The following COL8A1 variants were observed in gnomAD, a reference collection of about 807,000 sequenced individuals.
The protein encoded by COL8A1 is collagen type VIII alpha 1 chain.
In COL8A1, 21 loss-of-function variants were observed where a neutral mutation model predicts 42.7. That is an observed-to-expected ratio of 0.49 (90% confidence interval 0.35 to 0.71). The LOEUF (loss-of-function observed/expected upper bound fraction) is 0.71. COL8A1 is among the 30% of genes least tolerant of loss of function. The probability of loss-of-function intolerance (pLI) is 0.01; values close to 1 mark genes in which losing one functional copy is unlikely to be tolerated. For missense variants in COL8A1, 788 were observed against 962.4 expected (o/e 0.82, Z 2.40); for synonymous variants, 367 against 369.1 (o/e 0.99, Z 0.06).
rs560490260 is a variant in COL8A1, at chr3:99,744,219, C to T, written c.-128-678C>T. The stretch of plus-strand genomic sequence containing the variant: ...TGCTGGGATTACAGGCGTCAGCCAC[C>T]GTGCCTGGCCGATATTTCTTAAACA... On this transcript the variant is annotated intron_variant, in intron 1 of 3. Transcript: ENST00000652472. 2.0e-5 allele frequency among the ~76,000 whole-genome samples: 3 copies of T among 152,286 alleles called. No individual in the cohort carries two copies. In the East Asian group the frequency reaches 5.8e-4, roughly 29 times the overall value.
chr3:99,778,427 T>C (rs1413382958), intron 2 of COL8A1, among the ~76,000 whole-genome samples: 1 of 152,312 alleles, frequency 6.6e-6, no homozygotes, highest in East Asian at 1.9e-4. Flanking sequence ...TTAAATTGCA[T>C]ATTCAGACTG....
At chr3:99,690,989 C>T (rs1939203698) in intron 1 of COL8A1, among the ~76,000 whole-genome samples, 1 of 152,208 alleles carries the variant, frequency 6.6e-6, no homozygotes, top group African/African-American at 2.4e-5. Context: ...TCTGCTTACA[C>T]ATGAATTTTT....
At chr3:99,695,410 C>G (rs1939338301) in intron 1 of COL8A1, among the ~76,000 whole-genome samples, 1 of 152,136 alleles carries the variant, frequency 6.6e-6, no homozygotes, top group Non-Finnish European at 1.5e-5. Context: ...TTGTCATGGT[C>G]TCTTGTTTTT....
At chr3:99,685,238 A>G (rs1939015691) in intron 1 of COL8A1, among the ~76,000 whole-genome samples, 1 of 152,194 alleles carries the variant, frequency 6.6e-6, no homozygotes, top group African/African-American at 2.4e-5. Flanking sequence ...CCATCATCAA[A>G]AGCAATGAGA....
intron 2 of COL8A1, among the ~76,000 whole-genome samples, chr3:99,748,333 C>A (rs1941073889): frequency 6.6e-6 from 1 of 152,094 alleles, no homozygotes; most frequent in East Asian, 1.9e-4. Context: ...GTGGCTAGTC[C>A]CAATTGAGAT....
chr3:99,704,362 C>A (rs939382350), intron 1 of COL8A1, among the ~76,000 whole-genome samples: 4 of 151,228 alleles, frequency 2.6e-5, no homozygotes, highest in Admixed American at 2.0e-4. Context: ...TTCCTACACT[C>A]AAAGATTTTG....
chr3:99,645,680 T>TACTAC (rs1408205748), intron 1 of COL8A1, among the ~76,000 whole-genome samples: 1 of 149,806 alleles, frequency 6.7e-6, no homozygotes, highest in East Asian at 2.0e-4. Context: ...GTAGATCACA[T>TACTAC]TGTTAGTTTT....
At chr3:99,749,204 A>G (rs1164195050) in intron 2 of COL8A1, among the ~76,000 whole-genome samples, 5 of 152,152 alleles carry the variant, frequency 3.3e-5, no homozygotes, top group Non-Finnish European at 1.5e-5. Flanking sequence ...ATAACTAAAA[A>G]CTAGCATCTA....
At position 99,773,815 on chromosome 3, in the gene COL8A1, G is replaced by GTGTATATATATATATATATATATAT. The variant is rs1403823634; in HGVS notation, c.-3-16864_-3-16863insGTATATATATATATATATATATATT. Among the ~76,000 whole-genome samples the GTGTATATATATATATATATATATAT allele has an allele frequency of 2.9e-3, 103 of 35,906 alleles. 2 individuals are homozygous for GTGTATATATATATATATATATATAT. The highest frequency in any genetic ancestry group is 4.3e-3 in the Non-Finnish European group (86 of 20,074). 23.6% of individuals were successfully genotyped at this position (35,906 alleles called of 152,430 possible). A position where few individuals can be genotyped will look rare whatever the true frequency, so the allele number is the denominator to read the frequency against. On this transcript the variant is annotated intron_variant, in intron 2 of 3. Coordinates refer to ENST00000652472, the MANE Select transcript of COL8A1 (RefSeq NM_020351.4). Reference sequence around the variant, plus strand: ...TAAGTAGATGATTATATATATGTGTGTATATATATATATATATATATATTT... The same window carrying GTGTATATATATATATATATATATAT: ...TAAGTAGATGATTATATATATGTGTGTGTATATATATATATATATATATATTATATATATATATATATATATATTT...
At chr3:99,740,603 C>T (rs573249806) in intron 1 of COL8A1, among the ~76,000 whole-genome samples, 22 of 152,254 alleles carry the variant, frequency 1.4e-4, no homozygotes, top group African/African-American at 4.1e-4. Context: ...TGAGGGTAAC[C>T]GCCCCCATGA....
intron 2 of COL8A1, among the ~76,000 whole-genome samples, chr3:99,773,865 G>C (rs1474307689): frequency 8.4e-5 from 2 of 23,840 alleles, no homozygotes; most frequent in African/African-American, 3.6e-4. Flanking sequence ...TTTTTTTTGA[G>C]ACCGAGTTTC....
chr3:99,688,679 T>A (rs1939133233), intron 1 of COL8A1, among the ~76,000 whole-genome samples: 1 of 152,206 alleles, frequency 6.6e-6, no homozygotes. Flanking sequence ...TTTACTGTAT[T>A]ATTATTACTT....
chr3:99,711,748 G>C (rs1309751253), intron 1 of COL8A1, among the ~76,000 whole-genome samples: 2 of 152,136 alleles, frequency 1.3e-5, no homozygotes, highest in Non-Finnish European at 2.9e-5. Flanking sequence ...TTTGAGAGTA[G>C]AGAGAGAGTA....
chr3:99,784,783 G>A (rs945823074), intron 2 of COL8A1, among the ~76,000 whole-genome samples: 2 of 152,142 alleles, frequency 1.3e-5, no homozygotes, highest in African/African-American at 4.8e-5. Flanking sequence ...TGCACCTCAT[G>A]ACTACATAGT....
chr3:99,786,908 T>C (rs1477538355), intron 2 of COL8A1, among the ~76,000 whole-genome samples: 1 of 152,154 alleles, frequency 6.6e-6, no homozygotes, highest in Non-Finnish European at 1.5e-5. Flanking sequence ...TGACTTTCCC[T>C]TGCTTTAGGG....
At chr3:99,720,394 A>G (rs1169880648) in intron 1 of COL8A1, among the ~76,000 whole-genome samples, 3 of 152,178 alleles carry the variant, frequency 2.0e-5, no homozygotes, top group African/African-American at 7.2e-5. Flanking sequence ...AAAGTTCCAG[A>G]TTCCTATAGA....
At chr3:99,771,464 G>A (rs1028577786) in intron 2 of COL8A1, among the ~76,000 whole-genome samples, 2 of 152,116 alleles carry the variant, frequency 1.3e-5, no homozygotes, top group African/African-American at 4.8e-5. Context: ...GTGACCTGGA[G>A]GTCTATAATG....
intron 1 of COL8A1, among the ~76,000 whole-genome samples, chr3:99,694,262 C>T (rs1939305592): frequency 6.6e-6 from 1 of 152,112 alleles, no homozygotes; most frequent in African/African-American, 2.4e-5. Context: ...GCAGGCAGAT[C>T]ATTTGAGGTC....
intron 2 of COL8A1, among the ~76,000 whole-genome samples, chr3:99,747,087 C>T (rs1229061162): frequency 1.3e-5 from 2 of 152,072 alleles, no homozygotes; most frequent in African/African-American, 4.8e-5. Flanking sequence ...GGAAATAGAT[C>T]ATGATAACTA....
Sources: allele counts gnomAD v4.1 joint callset (sites outside exome capture counted in the v4.1 genomes callset), GRCh38; gene constraint gnomAD v4.1.1; transcripts MANE v1.5; gene names NCBI Gene and HGNC (gene_info 2026-07-23, HGNC 2026-07-21).